The following F7 variants were observed in gnomAD, a reference collection of about 807,000 sequenced individuals.
The protein encoded by F7 is coagulation factor VII, also known as FVII coagulation protein.
Under a neutral mutation model 47.5 loss-of-function variants are expected in F7, and 38 were observed. The observed-to-expected ratio is 0.80, with a 90% CI of 0.62 to 1.05. The LOEUF is 1.05. Among genes scored for constraint, F7 ranks in the 50% least tolerant of loss-of-function variants. The probability of loss-of-function intolerance (pLI) is 0.00; values close to 1 mark genes in which losing one functional copy is unlikely to be tolerated. For missense variants in F7, 575 were observed against 605.4 expected, an observed-to-expected ratio of 0.95 and a Z score of 0.53; for synonymous variants, 244 against 258.5, an observed-to-expected ratio of 0.94 and a Z score of 0.54.
rs753678929 is a variant in F7, at chr13:113,118,485, C to T, written c.812C>T (p.Thr271Met). ...GTGGCGCAGGTCATCATCCCCAGCACGTACGTCCCGGGCACCACCAACCAC... is the reference window on the plus strand; with the variant it reads ...GTGGCGCAGGTCATCATCCCCAGCATGTACGTCCCGGGCACCACCAACCAC... ...RRVAQVIIPSTYVPGTTNHDI... is the reference protein window; with the variant it reads ...RRVAQVIIPSMYVPGTTNHDI... The change falls in exon 8 of 8, where the codon ACG (threonine) becomes ATG (methionine). Residue 271 changes from threonine (T) to methionine (M), a missense_variant. Transcript: ENST00000346342. 9.9e-6 allele frequency: 16 copies of T among 1,609,782 alleles called. No homozygotes were observed. The East Asian group carries it at 1.6e-4, about 16-fold the overall frequency.
chr13:113,117,109 A>G (rs928244944), intron 6 of F7: 2 of 634,822 alleles, frequency 3.2e-6, no homozygotes, highest in Non-Finnish European at 5.7e-6. Flanking sequence ...ACCCTGCGAG[A>G]TGCCCCATCC....
chr13:113,110,356 G>T lies in F7; in HGVS notation c.65-334G>T, dbSNP rs542645256. The stretch of plus-strand genomic sequence containing the variant: ...GGGGTTGCCCGGCACCCGGGGCCGC[G>T]CCGCCTTCTCCTCGCCGGCATCGAC... On this transcript the variant is annotated intron_variant, in intron 1 of 7. Transcript: ENST00000346342. 6.2e-5 allele frequency: 17 copies of T among 272,052 alleles called. No homozygotes were observed. The South Asian group carries it at 9.1e-4, about 15-fold the overall frequency. The allele number at this position is 272,052 out of a possible 1,614,324, so 16.9% of individuals were successfully genotyped here.
In F7 at chr13:113,117,524, A is replaced by G; in HGVS notation, c.667A>G (p.Thr223Ala). The change falls in exon 7 of 8, where the codon ACC (threonine) becomes GCC (alanine). Residue 223 changes from threonine (T) to alanine (A), a missense_variant. Transcript: ENST00000346342. The stretch of plus-strand genomic sequence containing the variant: ...GTTGTGTGGGGGGACCCTGATCAAC[A>G]CCATCTGGGTGGTCTCCGCGGCCCA... ...AQLCGGTLIN[T>A]IWVVSAAHCF... 6.2e-7 allele frequency: 1 copy of G among 1,613,928 alleles called. No individual in the cohort carries two copies.
rs1455543607 is a variant in F7 at position 113,113,540 on chromosome 13, A to G, written c.226-212A>G. ...GGGTGTTCTGACTTGGGAGCAGGAA[A>G]TGTGTGGTCACCCATAGTTCCAGAT... On this transcript the variant is annotated intron_variant, in intron 2 of 7. Coordinates refer to ENST00000346342, the MANE Select transcript of F7 (RefSeq NM_019616.4). This position sits in a 1 kb window ranked among gnomAD's most constrained non-coding sequence, Gnocchi z 4.1. Among the ~76,000 whole-genome samples the G allele has an allele frequency of 6.6e-6, 1 of 152,190 alleles. No homozygotes were observed. The highest frequency in any genetic ancestry group is 1.9e-4 in the East Asian group (1 of 5,192).
In F7 at chr13:113,118,579, C is replaced by T. The variant is rs576492410; in HGVS notation, c.906C>T (p.Pro302=). 19 of 1,612,750 alleles carry T rather than the reference C, an allele frequency of 1.2e-5. No individual in the cohort carries two copies. Among genetic ancestry groups the T allele is most frequent in the Middle Eastern group, 1.6e-4 (1 of 6,062 alleles). ...LTDHVVPLCL[P]ERTFSERTLA... ...ACCATGTGGTGCCCCTCTGCCTGCC[C>T]GAACGGACGTTCTCTGAGAGGACGC... The change falls in exon 8 of 8, where the codon CCC becomes CCT. Residue 302 remains proline, a synonymous_variant. Coordinates refer to ENST00000346342, the MANE Select transcript of F7 (RefSeq NM_019616.4).
chr13:113,111,235 C>T (rs1468773763), intron 2 of F7, among the ~76,000 whole-genome samples: 2 of 152,190 alleles, frequency 1.3e-5, no homozygotes, highest in African/African-American at 2.4e-5. Flanking sequence ...GAGAAGCTGG[C>T]CCACAGCATG....
chr13:113,118,923 G>T lies in F7; in HGVS notation c.1250G>T (p.Arg417Met). 1 of 1,611,672 alleles carries T rather than the reference G, an allele frequency of 6.2e-7. No individual in the cohort carries two copies. The highest frequency in any genetic ancestry group is 8.5e-7 in the Non-Finnish European group (1 of 1,179,904). The change falls in exon 8 of 8, where the codon AGG becomes ATG. Residue 417 changes from arginine to methionine, a missense_variant. Physicochemically the swap from Arg to Met is moderately conservative, Grantham distance 91. Transcript: ENST00000346342. ...ATVGHFGVYT[R>M]VSQYIEWLQK... is the part of the protein sequence containing the mutation. The stretch of plus-strand genomic sequence containing the variant: ...GTGGGCCACTTTGGGGTGTACACCA[G>T]GGTCTCCCAGTACATCGAGTGGCTG...
At chr13:113,106,013 C>T in intron 1 of F7, 108 bp downstream of exon 1, 1 of 957,506 alleles carries the variant, frequency 1.0e-6, no homozygotes, top group South Asian at 1.7e-5. Flanking sequence ...CACCCCCATC[C>T]ACCAGGAGGG....
intron 2 of F7, among the ~76,000 whole-genome samples, chr13:113,112,170 T>A (rs189277417): frequency 8.3e-6 from 1 of 120,972 alleles, no homozygotes; most frequent in East Asian, 2.7e-4. Flanking sequence ...ACAGGACACC[T>A]CACAGAGGTC....
intron 1 of F7, among the ~76,000 whole-genome samples, chr13:113,108,748 TTC>T (rs2036024829): frequency 1.0e-5 from 1 of 99,984 alleles, no homozygotes. Context: ...AGTGTGGGTG[TTC>T]CAGAGGCGAG....
intron 7 of F7, 79 bp downstream of exon 7, chr13:113,117,675 G>A (rs946702505): frequency 6.5e-7 from 1 of 1,533,526 alleles, no homozygotes; most frequent in African/African-American, 1.4e-5. Context: ...TGCTGGGTGG[G>A]TGCCACTCTC....
Position 113,119,147 on chromosome 13 carries a change from A to G in F7, c.*139A>G. The G allele has an allele frequency of 1.4e-6, 1 of 723,112 alleles. No homozygotes were observed. The highest frequency in any genetic ancestry group is 2.3e-6 in the Non-Finnish European group (1 of 433,634). The allele number at this position is 723,112 out of a possible 1,614,324, so 44.8% of individuals were successfully genotyped here. A position where few individuals can be genotyped will look rare whatever the true frequency, so the allele number is the denominator to read the frequency against. On this transcript the variant is annotated 3_prime_UTR_variant, in exon 8 of 8. Transcript: ENST00000346342. ...GAGAGGTGGGGAGGGAGACAGAGACAGAAACAGAGAGAGACAGAGACAGAG... is the reference window on the plus strand; with the variant it reads ...GAGAGGTGGGGAGGGAGACAGAGACGGAAACAGAGAGAGACAGAGACAGAG...
At chr13:113,106,741 G>A in intron 1 of F7, 3 of 1,104,474 alleles carry the variant, frequency 2.7e-6, no homozygotes, top group Non-Finnish European at 4.0e-6. Flanking sequence ...GGCGTGTGGG[G>A]ATGGCGAGTG....
In F7 at chr13:113,118,846, G is replaced by C. The variant is rs969984613; in HGVS notation, c.1173G>C (p.Arg391=). ...DSGGPHATHY[R]GTWYLTGIVS... is the part of the protein sequence containing the mutation. The stretch of plus-strand genomic sequence containing the variant: ...GAGGCCCACATGCCACCCACTACCG[G>C]GGCACGTGGTACCTGACGGGCATCG... Residue 391 remains arginine, a synonymous_variant, in exon 8 of 8, where the codon CGG becomes CGC. Transcript: ENST00000346342. 9 of 1,612,788 alleles carry C rather than the reference G, an allele frequency of 5.6e-6. No individual in the cohort carries two copies. The highest frequency in any genetic ancestry group is 7.6e-6 in the Non-Finnish European group (9 of 1,180,006).
At chr13:113,106,012 C>A in intron 1 of F7, 107 bp downstream of exon 1, 1 of 962,098 alleles carries the variant, frequency 1.0e-6, no homozygotes, top group African/African-American at 1.6e-5. Flanking sequence ...ACACCCCCAT[C>A]CACCAGGAGG....
chr13:113,112,143 C>T (rs1180247656), intron 2 of F7, among the ~76,000 whole-genome samples: 5 of 144,842 alleles, frequency 3.5e-5, no homozygotes, highest in South Asian at 2.3e-4. Flanking sequence ...TTCACACTCA[C>T]AGGTCACCTC....
rs765241636 is a variant in F7, at chr13:113,118,488, A to C, written c.815A>C (p.Tyr272Ser). 6.2e-7 allele frequency: 1 copy of C among 1,610,188 alleles called. No homozygotes were observed. Residue 272 changes from tyrosine to serine, a missense_variant, in exon 8 of 8, where the codon TAC becomes TCC. By Grantham distance (144) the Tyr-to-Ser change is moderately radical. Coordinates refer to ENST00000346342, the MANE Select transcript of F7 (RefSeq NM_019616.4). Reference sequence around the variant, plus strand: ...GCGCAGGTCATCATCCCCAGCACGTACGTCCCGGGCACCACCAACCACGAC... The same window carrying C: ...GCGCAGGTCATCATCCCCAGCACGTCCGTCCCGGGCACCACCAACCACGAC... ...RVAQVIIPST[Y>S]VPGTTNHDIA...
In F7 at chr13:113,116,764, A is replaced by G. The variant is rs747641931; in HGVS notation, c.506-2A>G. 3.7e-6 allele frequency: 6 copies of G among 1,606,268 alleles called. No homozygotes were observed. The East Asian group carries it at 8.9e-5, about 24-fold the overall frequency. Reference sequence around the variant, plus strand: ...CATCTTTCTGACTTTTGTTTTACACAGTTGAATATCCATGTGGAAAAATAC... The same window carrying G: ...CATCTTTCTGACTTTTGTTTTACACGGTTGAATATCCATGTGGAAAAATAC... On this transcript the variant is annotated splice_acceptor_variant, in intron 5 of 7. Coordinates refer to ENST00000346342, the MANE Select transcript of F7 (RefSeq NM_019616.4). LOFTEE classifies it high-confidence loss of function.
In F7 at chr13:113,119,569, A is replaced by G; in HGVS notation, c.*561A>G. 5.7e-6 allele frequency: 1 copy of G among 176,114 alleles called. No homozygotes were observed. The highest frequency in any genetic ancestry group is 1.2e-5 in the Non-Finnish European group (1 of 82,878). 10.9% of individuals were successfully genotyped at this position (176,114 alleles called of 1,614,324 possible). ...CACACCGATGCACACGCACATAGAG[A>G]TATGCACACACAGATGCACACACAG... On this transcript the variant is annotated 3_prime_UTR_variant, in exon 8 of 8. Transcript: ENST00000346342.
Sources: allele counts gnomAD v4.1 joint callset (sites outside exome capture counted in the v4.1 genomes callset), GRCh38; gene constraint gnomAD v4.1.1; non-coding constraint Gnocchi (gnomAD v3.1); transcripts MANE v1.5; gene names NCBI Gene and HGNC (gene_info 2026-07-23, HGNC 2026-07-21).